CCDC88C: variants seen among roughly 807,000 people sequenced by gnomAD.
CCDC88C encodes protein Daple.
In CCDC88C, 131 loss-of-function variants were observed where a neutral mutation model predicts 198.8. The observed-to-expected ratio is 0.66, with a 90% confidence interval of 0.57 to 0.76. CCDC88C has a LOEUF of 0.76. Among genes scored for constraint, CCDC88C ranks in the 30% least tolerant of loss-of-function variants. The pLI, the probability that CCDC88C is intolerant of heterozygous loss-of-function variation, is 0.00. For synonymous variants in CCDC88C, 1,166 were observed against 1,114.7 expected (o/e 1.05, Z -0.92); for missense variants, 2,553 against 2,631.6 (o/e 0.97, Z 0.65).
At chr14:91,414,769 A>G (rs1886961222) in intron 2 of CCDC88C, among the ~76,000 whole-genome samples, 1 of 152,222 alleles carries the variant, frequency 6.6e-6, no homozygotes, top group African/African-American at 2.4e-5. Context: ...TGAAGTCTTA[A>G]GAGCTACAAT....
At chr14:91,390,784 GT>G (rs1596149233) in intron 3 of CCDC88C, among the ~76,000 whole-genome samples, 1 of 152,176 alleles carries the variant, frequency 6.6e-6, no homozygotes, top group East Asian at 1.9e-4. Flanking sequence ...AGAGAATGGG[GT>G]GGAAGCACCC....
chr14:91,322,414 G>A (rs758379002), intron 12 of CCDC88C, among the ~76,000 whole-genome samples: 10 of 152,146 alleles, frequency 6.6e-5, no homozygotes, highest in Non-Finnish European at 1.3e-4. Context: ...AACAGCAGGC[G>A]AGAAGTGGAG....
In CCDC88C at chr14:91,279,298, G is replaced by C; in HGVS notation, c.4708C>G (p.Pro1570Ala). ...VPNHRQYVSR[P>A]SSLESSRNTS... is the part of the protein sequence containing the mutation. ...TTTCTACTGCTCTCTAAGCTACTTGGCCGCGACACTGAAAGGAAATGGCAG... is the reference window on the plus strand; with the variant it reads ...TTTCTACTGCTCTCTAAGCTACTTGCCCGCGACACTGAAAGGAAATGGCAG... The change falls in exon 28 of 30, where the codon CCA becomes GCA. Residue 1570 changes from proline to alanine, a missense_variant. Pro to Ala is a conservative substitution (Grantham distance 27). This residue lies in a region of CCDC88C where 1,293 missense variants were observed against 1,219.6 expected (regional missense o/e 1.06). Coordinates refer to ENST00000389857, the MANE Select transcript of CCDC88C (RefSeq NM_001080414.4). The C allele has an allele frequency of 1.9e-6, 3 of 1,600,428 alleles. No individual in the cohort carries two copies. The highest frequency in any genetic ancestry group is 2.6e-6 in the Non-Finnish European group (3 of 1,172,456).
At chr14:91,391,551 G>A (rs939627462) in intron 3 of CCDC88C, among the ~76,000 whole-genome samples, 2 of 152,146 alleles carry the variant, frequency 1.3e-5, no homozygotes, top group South Asian at 2.1e-4. Flanking sequence ...GGCCGAGGCG[G>A]GCAGATCACT....
At chr14:91,412,238 A>G (rs911998738) in intron 2 of CCDC88C, among the ~76,000 whole-genome samples, 13 of 152,142 alleles carry the variant, frequency 8.5e-5, no homozygotes, top group Non-Finnish European at 1.8e-4. Flanking sequence ...CCCATGCTAA[A>G]AAACAATAGC....
chr14:91,383,675 C>T (rs1457629312), intron 3 of CCDC88C, among the ~76,000 whole-genome samples: 5 of 152,298 alleles, frequency 3.3e-5, no homozygotes, highest in Non-Finnish European at 7.4e-5. Flanking sequence ...AAACCAGACA[C>T]CCCTGGGAAC....
At chr14:91,395,477 G>A (rs1885787589) in intron 3 of CCDC88C, among the ~76,000 whole-genome samples, 1 of 152,150 alleles carries the variant, frequency 6.6e-6, no homozygotes, top group South Asian at 2.1e-4. Flanking sequence ...ACCAGGGAAA[G>A]CGTTCAGGGA....
At chr14:91,412,687 A>G (rs1241696395) in intron 2 of CCDC88C, among the ~76,000 whole-genome samples, 4 of 152,054 alleles carry the variant, frequency 2.6e-5, no homozygotes, top group African/African-American at 7.2e-5. Context: ...CGCCCACCTC[A>G]GCCTCCCAAA....
chr14:91,334,393 G>A (rs1301692478), intron 10 of CCDC88C, among the ~76,000 whole-genome samples: 2 of 152,130 alleles, frequency 1.3e-5, no homozygotes, highest in African/African-American at 2.4e-5. Flanking sequence ...ACAGCTGCCT[G>A]CCACCAGAGC....
Position 91,366,153 on chromosome 14 carries a change from TACACACACACAC to T in CCDC88C, c.271-6454_271-6443del, listed in dbSNP as rs57281083. ...GAACATGACAGACCTACTTAAAAAATACACACACACACACACACACACACACACACACACACA... is the reference window on the plus strand; with the variant it reads ...GAACATGACAGACCTACTTAAAAAATACACACACACACACACACACACACA... On this transcript the variant is annotated intron_variant, in intron 3 of 29. Coordinates refer to ENST00000389857, the MANE Select transcript of CCDC88C (RefSeq NM_001080414.4). Among the ~76,000 whole-genome samples the T allele has an allele frequency of 3.1e-3, 429 of 136,464 alleles. 1 individual carries two copies. The highest frequency in any genetic ancestry group is 7.5e-3 in the African/African-American group (280 of 37,426). The allele number at this position is 136,464 out of a possible 152,430, so 89.5% of individuals were successfully genotyped here. A position where few individuals can be genotyped will look rare whatever the true frequency, so the allele number is the denominator to read the frequency against.
chr14:91,295,969 C>T (rs1199821159), intron 22 of CCDC88C, among the ~76,000 whole-genome samples: 1 of 152,208 alleles, frequency 6.6e-6, no homozygotes. Context: ...AGAAAAAGAG[C>T]ACTGCCTGCA....
intron 3 of CCDC88C, among the ~76,000 whole-genome samples, chr14:91,393,162 C>G (rs992456923): frequency 1.3e-5 from 2 of 152,138 alleles, no homozygotes; most frequent in Non-Finnish European, 2.9e-5. Context: ...GTCATCACCC[C>G]CATCTGACAA....
At chr14:91,386,300 A>AC (rs1387325963) in intron 3 of CCDC88C, among the ~76,000 whole-genome samples, 1 of 150,390 alleles carries the variant, frequency 6.6e-6, no homozygotes, top group Non-Finnish European at 1.5e-5. Flanking sequence ...AAAAAAAAAA[A>AC]AAAACAAAAA....
At position 91,300,172 on chromosome 14, in the gene CCDC88C, A is replaced by G. The variant is rs1037246857; in HGVS notation, c.3636-102T>C. On this transcript the variant is annotated intron_variant, in intron 20 of 29. Coordinates refer to ENST00000389857, the MANE Select transcript of CCDC88C (RefSeq NM_001080414.4). ...TGCGTGCCTCCCGTGAGAAAATGGGATTCCTCTGGAGAGTCTCTCTGCAGA... is the reference window on the plus strand; with the variant it reads ...TGCGTGCCTCCCGTGAGAAAATGGGGTTCCTCTGGAGAGTCTCTCTGCAGA... 7.6e-5 allele frequency: 113 copies of G among 1,477,270 alleles called. No homozygotes were observed. The African/African-American group carries it at 1.4e-3, about 19-fold the overall frequency. The allele number at this position is 1,477,270 out of a possible 1,614,324, so 91.5% of individuals were successfully genotyped here.
At chr14:91,411,734 G>A (rs1310248494) in intron 2 of CCDC88C, among the ~76,000 whole-genome samples, 1 of 152,106 alleles carries the variant, frequency 6.6e-6, no homozygotes, top group Non-Finnish European at 1.5e-5. Context: ...AGGCCGAGGT[G>A]AGAGGATCAC....
chr14:91,387,089 C>T (rs1234968917), intron 3 of CCDC88C, among the ~76,000 whole-genome samples: 5 of 152,206 alleles, frequency 3.3e-5, no homozygotes, highest in Non-Finnish European at 5.9e-5. Context: ...CAGAGTGACT[C>T]GCCCAAAGTG....
intron 20 of CCDC88C, among the ~76,000 whole-genome samples, chr14:91,303,033 C>G (rs547822203): frequency 6.6e-6 from 1 of 152,186 alleles, no homozygotes; most frequent in Non-Finnish European, 1.5e-5. Flanking sequence ...CTAAAGGTAA[C>G]GTTTATTTCC....
At chr14:91,346,185 T>A (rs1034108469) in intron 4 of CCDC88C, among the ~76,000 whole-genome samples, 1 of 152,188 alleles carries the variant, frequency 6.6e-6, no homozygotes, top group African/African-American at 2.4e-5. Context: ...ACCCCTCAAC[T>A]GAGAAATAGC....
In CCDC88C at chr14:91,289,097, G is replaced by T; in HGVS notation, c.4441+8C>A. ...TCACCCGACCACGGCCAGGACGGCC[G>T]CCCCTACCTTTCCCCACAGACCCGT... On this transcript the variant is annotated splice_region_variant and intron_variant, in intron 25 of 29. Transcript: ENST00000389857. 6.2e-7 allele frequency: 1 copy of T among 1,608,448 alleles called. No individual in the cohort carries two copies. Among genetic ancestry groups the T allele is most frequent in the Non-Finnish European group, 8.5e-7 (1 of 1,178,270 alleles).
Sources: gnomAD v4.1 joint callset for allele counts (sites outside exome capture counted in the v4.1 genomes callset) on GRCh38, gnomAD v4.1.1 for gene constraint, gnomAD v4.1.1 regional missense constraint, MANE v1.5 for transcripts, NCBI Gene and HGNC (gene_info 2026-07-23, HGNC 2026-07-21) for gene names.